Variants in PROM1 observed in about 807,000 individuals in gnomAD.
PROM1 encodes prominin-1.
In PROM1, 105 loss-of-function variants were observed where a neutral mutation model predicts 116.9. The ratio of observed to expected loss-of-function variants is 0.90; its 90% CI spans 0.77 to 1.06. The LOEUF is 1.06. Ranked by LOEUF, PROM1 falls within the 50% of genes least tolerant of loss-of-function variation. The probability of loss-of-function intolerance (pLI) is 0.00; values close to 1 mark genes in which losing one functional copy is unlikely to be tolerated. For synonymous variants in PROM1, 393 were observed against 387.0 expected (o/e 1.02, Z -0.18); for missense variants, 1,122 against 1,045.2 (o/e 1.07, Z -1.01).
intron 2 of PROM1, among the ~76,000 whole-genome samples, 162 bp from the exon 3 acceptor site, chr4:16,039,163 C>A (rs917454797): frequency 2.0e-5 from 3 of 151,802 alleles, no homozygotes; most frequent in African/African-American, 7.3e-5. Context: ...AATTAATGAC[C>A]TCTAGCCAGA....
chr4:16,003,878 C>CT (rs1724520234), intron 13 of PROM1, among the ~76,000 whole-genome samples: 1 of 152,184 alleles, frequency 6.6e-6, no homozygotes, highest in Non-Finnish European at 1.5e-5. Flanking sequence ...CCTTCCAGAT[C>CT]TTTCACTGGT....
chr4:16,024,474 G>T, intron 6 of PROM1, 116 bp from the exon 7 acceptor site: 1 of 797,798 alleles, frequency 1.3e-6, no homozygotes. Context: ...CAGGTAACCA[G>T]CAAGTTCCTA....
chr4:16,000,746 A>G, intron 13 of PROM1, 127 bp from the exon 14 acceptor site: 1 of 786,966 alleles, frequency 1.3e-6, no homozygotes, highest in Non-Finnish European at 1.8e-6. Flanking sequence ...GGTGAAACAG[A>G]TCATCCACCT....
rs1164120098 is a variant in PROM1, at chr4:16,031,905, T to C, written c.509+1399A>G. 2.6e-5 allele frequency among the ~76,000 whole-genome samples: 4 copies of C among 152,322 alleles called. No homozygotes were observed. In the East Asian group the frequency reaches 7.7e-4, roughly 29 times the overall value. On this transcript the variant is annotated intron_variant, in intron 5 of 27. Transcript: ENST00000447510. The stretch of plus-strand genomic sequence containing the variant: ...GTAATGCATTGGCCTTTGTCTGTTG[T>C]GAAGATTTTTTTTGTCACTGTTCAA...
chr4:16,023,287 G>A (rs1730373760), intron 8 of PROM1, 39 bp downstream of exon 8: 2 of 1,497,634 alleles, frequency 1.3e-6, no homozygotes, highest in Non-Finnish European at 1.8e-6. Context: ...AGGGACTCCT[G>A]GATGGAACTT....
intron 23 of PROM1, 106 bp downstream of exon 23, chr4:15,984,157 G>A (rs1302982082): frequency 1.1e-6 from 1 of 941,782 alleles, no homozygotes; most frequent in East Asian, 2.7e-5. Context: ...TTTAGGTTTT[G>A]GATTCTCTCA....
At chr4:15,975,386 AT>A (rs1237460313) in intron 26 of PROM1, among the ~76,000 whole-genome samples, 5 of 151,972 alleles carry the variant, frequency 3.3e-5, no homozygotes, top group African/African-American at 1.2e-4. Context: ...CGCCCAGCTA[AT>A]TTTTTGTATT....
At chr4:15,992,631 A>T (rs1721362780) in intron 16 of PROM1, among the ~76,000 whole-genome samples, 1 of 152,160 alleles carries the variant, frequency 6.6e-6, no homozygotes, top group Non-Finnish European at 1.5e-5. Context: ...ATAAATAAAA[A>T]ATAAACAGCA....
At chr4:16,018,561 T>C (rs1195684921) in intron 8 of PROM1, 21 bp from the exon 9 acceptor site, 1 of 1,581,164 alleles carries the variant, frequency 6.3e-7, no homozygotes. Context: ...ACAGCCCGCT[T>C]CAGAACACAC....
intron 8 of PROM1, among the ~76,000 whole-genome samples, chr4:16,021,258 TTTGAG>T (rs1384498509): frequency 1.3e-5 from 2 of 152,200 alleles, no homozygotes; most frequent in East Asian, 1.9e-4. Context: ...AAAGAGAATC[TTTGAG>T]TTATCTTTTA....
intron 3 of PROM1, chr4:16,038,063 G>C (rs954143826): frequency 6.6e-6 from 1 of 152,104 alleles, no homozygotes; most frequent in Non-Finnish European, 1.5e-5. Flanking sequence ...AATGTGAGAA[G>C]AGCGCCCACC....
At chr4:16,032,018 T>C (rs1342316498) in intron 5 of PROM1, among the ~76,000 whole-genome samples, 1 of 151,602 alleles carries the variant, frequency 6.6e-6, no homozygotes, top group Non-Finnish European at 1.5e-5. Flanking sequence ...AAGAAATGAG[T>C]TTCCTTCCTT....
intron 2 of PROM1, among the ~76,000 whole-genome samples, chr4:16,044,478 C>A (rs1435333272): frequency 6.6e-6 from 1 of 152,198 alleles, no homozygotes; most frequent in Non-Finnish European, 1.5e-5. Context: ...TTAAGTGCCT[C>A]TCTGCGGAGA....
At chr4:15,994,752 C>T (rs751527207) in intron 15 of PROM1, among the ~76,000 whole-genome samples, 3 of 152,188 alleles carry the variant, frequency 2.0e-5, no homozygotes, top group South Asian at 2.1e-4. Context: ...ACAAAAATAG[C>T]GGCATCCAGG....
intron 2 of PROM1, chr4:16,055,428 A>C: frequency 2.2e-6 from 1 of 456,254 alleles, no homozygotes; most frequent in Non-Finnish European, 4.4e-6. Context: ...GGCTTCTCCT[A>C]TCTGGGCCTT....
chr4:16,050,258 CAA>C (rs535857294), intron 2 of PROM1, among the ~76,000 whole-genome samples: 2 of 129,546 alleles, frequency 1.5e-5, no homozygotes, highest in Non-Finnish European at 1.7e-5. Flanking sequence ...AAGACTGTCT[CAA>C]AAAAAAAAAA....
At chr4:16,033,586 CTTTTT>C (rs60492380) in intron 4 of PROM1, 77 bp from the exon 5 acceptor site, 102 of 272,762 alleles carry the variant, frequency 3.7e-4, no homozygotes, top group South Asian at 7.8e-4. Context: ...GTACAAAGTT[CTTTTT>C]TTTTTTTTTT....
At chr4:16,068,490 C>G (rs1414518652) in intron 2 of PROM1, among the ~76,000 whole-genome samples, 1 of 152,198 alleles carries the variant, frequency 6.6e-6, no homozygotes, top group African/African-American at 2.4e-5. Flanking sequence ...CTCTATTGCT[C>G]TGTCTCCATG....
chr4:15,984,353 G>A lies in PROM1; in HGVS notation c.2283C>T (p.Ile761=), dbSNP rs1335895045. Residue 761 remains isoleucine (I), a splice_region_variant and synonymous_variant, in exon 23 of 28, where the codon ATC becomes ATT. Coordinates refer to ENST00000447510, the MANE Select transcript of PROM1 (RefSeq NM_006017.3). ...EHYLQWIEFS[I]SEKVASCKPV... is the part of the protein sequence containing the mutation. The stretch of plus-strand genomic sequence containing the variant: ...GTTTGCACGATGCCACTTTCTCACT[G>A]ATCTAGGGGGGTGGAAACACAGGGA... 1 of 1,569,892 alleles carries A rather than the reference G, an allele frequency of 6.4e-7. No homozygotes were observed. The highest frequency in any genetic ancestry group is 1.9e-5 in the Admixed American group (1 of 54,030).
Sources: gnomAD v4.1 joint callset for allele counts (sites outside exome capture counted in the v4.1 genomes callset) on GRCh38, gnomAD v4.1.1 for gene constraint, MANE v1.5 for transcripts, NCBI Gene and HGNC (gene_info 2026-07-23, HGNC 2026-07-21) for gene names.